TLL1: variants seen among roughly 807,000 people sequenced by gnomAD.
TLL1 encodes tolloid-like protein 1.
TLL1 carries 49 observed loss-of-function variants against 128.2 expected under a neutral mutation model. The observed-to-expected ratio is 0.38, with a 90% CI of 0.30 to 0.48. The LOEUF is 0.48. Ranked by LOEUF, TLL1 falls within the 20% of genes least tolerant of loss-of-function variation. The pLI, the probability that TLL1 is intolerant of heterozygous loss-of-function variation, is 0.96. For missense variants in TLL1, 1,123 were observed against 1,242.0 expected (o/e 0.90, Z 1.44); for synonymous variants, 454 against 418.8 (o/e 1.08, Z -1.03).
At chr4:165,922,421 T>C (rs1382184593) in intron 1 of TLL1, among the ~76,000 whole-genome samples, 3 of 152,194 alleles carry the variant, frequency 2.0e-5, no homozygotes, top group African/African-American at 7.2e-5. Flanking sequence ...TTGGGGTTGC[T>C]TCTTCTCTAT....
intron 1 of TLL1, among the ~76,000 whole-genome samples, chr4:165,896,379 G>T (rs1325775342): frequency 6.6e-6 from 1 of 151,928 alleles, no homozygotes; most frequent in East Asian, 1.9e-4. Flanking sequence ...TGTGAATAGT[G>T]CTGCAATAAA....
At chr4:166,049,414 G>C (rs943798980) in intron 12 of TLL1, among the ~76,000 whole-genome samples, 2 of 152,094 alleles carry the variant, frequency 1.3e-5, no homozygotes, top group Non-Finnish European at 2.9e-5. Context: ...CAGTCCATCA[G>C]AGGCATGTCT....
intron 1 of TLL1, among the ~76,000 whole-genome samples, chr4:165,956,663 A>C (rs1273692618): frequency 6.6e-6 from 1 of 151,940 alleles, no homozygotes; most frequent in African/African-American, 2.4e-5. Flanking sequence ...CACGTTTTAC[A>C]ATCAATTTGT....
chr4:165,964,000 T>G, intron 1 of TLL1, among the ~76,000 whole-genome samples: 1 of 152,198 alleles, frequency 6.6e-6, no homozygotes, highest in East Asian at 1.9e-4. Context: ...CCATCTGCCA[T>G]GCTGTATACT....
rs779061981 is a variant in TLL1, at chr4:166,074,484, T to C, written c.2189-394T>C. Among the ~76,000 whole-genome samples, 82 of 152,104 alleles carry C rather than the reference T, an allele frequency of 5.4e-4. 1 individual carries two copies. The highest frequency in any genetic ancestry group is 1.5e-4 in the Non-Finnish European group (10 of 67,988). ...ATTGAAGGATATCCCTCTACTTAAATGCTATTTCTTGCCGCTATTCAAACT... is the reference window on the plus strand; with the variant it reads ...ATTGAAGGATATCCCTCTACTTAAACGCTATTTCTTGCCGCTATTCAAACT... On this transcript the variant is annotated intron_variant, in intron 16 of 20. Coordinates refer to ENST00000061240, the MANE Select transcript of TLL1 (RefSeq NM_012464.5).
chr4:166,081,298 G>A (rs1157732093), intron 18 of TLL1, among the ~76,000 whole-genome samples: 1 of 152,120 alleles, frequency 6.6e-6, no homozygotes, highest in African/African-American at 2.4e-5. Flanking sequence ...GGGTGGCAGG[G>A]TTTTCTGCTT....
intron 9 of TLL1, among the ~76,000 whole-genome samples, 167 bp downstream of exon 9, chr4:166,025,598 T>C (rs2111069770): frequency 6.6e-6 from 1 of 152,316 alleles, no homozygotes; most frequent in South Asian, 2.1e-4. Context: ...GGAATTTTTT[T>C]GAAAGATATA....
Position 165,874,766 on chromosome 4 carries a change from C to G in TLL1, c.169+693C>G, listed in dbSNP as rs1216981992. ...CCAGGGAAATGCAGTCGGACCGGCA[C>G]TGCCTGAAGCTCAGCTTCTTGCCTC... On this transcript the variant is annotated intron_variant, in intron 1 of 20. Coordinates refer to ENST00000061240, the MANE Select transcript of TLL1 (RefSeq NM_012464.5). 2.0e-5 allele frequency among the ~76,000 whole-genome samples: 3 copies of G among 152,386 alleles called. No individual in the cohort carries two copies. In the East Asian group the frequency reaches 5.8e-4, roughly 29 times the overall value.
At chr4:166,060,926 G>A (rs6536940) in intron 15 of TLL1, among the ~76,000 whole-genome samples, 65,574 of 152,004 alleles carry the variant, frequency 0.43, 15,329 homozygotes, top group African/African-American at 0.62. Flanking sequence ...GTTTTGTTTC[G>A]TCTTCTGTAC....
chr4:166,067,810 T>C (rs1740636370), intron 16 of TLL1, among the ~76,000 whole-genome samples: 1 of 151,732 alleles, frequency 6.6e-6, no homozygotes, highest in South Asian at 2.1e-4. Flanking sequence ...TTTCATTTCA[T>C]ATTGTTATAT....
intron 7 of TLL1, among the ~76,000 whole-genome samples, chr4:166,013,912 TTTTTAA>T (rs535894191): frequency 2.1e-3 from 326 of 152,022 alleles, no homozygotes; most frequent in Non-Finnish European, 3.5e-3. Flanking sequence ...TTTTATCTTT[TTTTTAA>T]CATATGCTGT....
intron 7 of TLL1, among the ~76,000 whole-genome samples, chr4:166,012,279 G>A (rs374923884): frequency 1.3e-5 from 2 of 151,590 alleles, no homozygotes; most frequent in South Asian, 2.1e-4. Flanking sequence ...ATTTTGCATT[G>A]CTTACTTGTC....
At position 166,038,960 on chromosome 4, in the gene TLL1, A is replaced by G. The variant is rs146243848; in HGVS notation, c.1159-379A>G. Among the ~76,000 whole-genome samples the G allele has an allele frequency of 5.8e-3, 878 of 152,290 alleles. 22 individuals are homozygous for G. The highest frequency in any genetic ancestry group is 5.6e-4 in the Non-Finnish European group (38 of 68,006). On this transcript the variant is annotated intron_variant, in intron 9 of 20. Coordinates refer to ENST00000061240, the MANE Select transcript of TLL1 (RefSeq NM_012464.5). The stretch of plus-strand genomic sequence containing the variant: ...TATTTTTTAAAAGACTTTCATGAAA[A>G]AAATAGAATTCTTCATGGCTCAAGC...
intron 7 of TLL1, among the ~76,000 whole-genome samples, chr4:166,013,557 T>A (rs1385375934): frequency 6.6e-6 from 1 of 151,836 alleles, no homozygotes; most frequent in East Asian, 1.9e-4. Context: ...TGTTGTTGTT[T>A]GTTTTTGGTA....
At chr4:166,084,216 C>T (rs899571403) in intron 18 of TLL1, among the ~76,000 whole-genome samples, 4 of 152,020 alleles carry the variant, frequency 2.6e-5, no homozygotes, top group African/African-American at 9.7e-5. Flanking sequence ...AAGTCCTTTG[C>T]CCATAAATAA....
chr4:166,017,221 C>G (rs368159325), intron 8 of TLL1, among the ~76,000 whole-genome samples: 1 of 152,122 alleles, frequency 6.6e-6, no homozygotes, highest in African/African-American at 2.4e-5. Context: ...TAATTCACTT[C>G]GGATTATGGC....
At chr4:165,879,715 G>A (rs1397947373) in intron 1 of TLL1, among the ~76,000 whole-genome samples, 1 of 151,762 alleles carries the variant, frequency 6.6e-6, no homozygotes, top group Non-Finnish European at 1.5e-5. Flanking sequence ...ATCCTGCTGA[G>A]ACCATCTGGT....
chr4:166,027,959 A>T (rs1324533378), intron 9 of TLL1, among the ~76,000 whole-genome samples: 1 of 152,032 alleles, frequency 6.6e-6, no homozygotes, highest in South Asian at 2.1e-4. Flanking sequence ...ATCATCTATT[A>T]TTTTTCTTAA....
chr4:166,060,192 A>G lies in TLL1; in HGVS notation c.2007+4A>G. On this transcript the variant is annotated splice_donor_region_variant and intron_variant, in intron 15 of 20. Transcript: ENST00000061240. Reference sequence around the variant, plus strand: ...TTTTGAATTGGAAGGCAATGAAGTAAGTGAACAATAACTGTAATTTTTTAA... The same window carrying G: ...TTTTGAATTGGAAGGCAATGAAGTAGGTGAACAATAACTGTAATTTTTTAA... The G allele has an allele frequency of 3.7e-6, 6 of 1,613,582 alleles. No homozygotes were observed. The highest frequency in any genetic ancestry group is 1.7e-5 in the Admixed American group (1 of 59,954).
Sources: allele counts gnomAD v4.1 joint callset (sites outside exome capture counted in the v4.1 genomes callset), GRCh38; gene constraint gnomAD v4.1.1; transcripts MANE v1.5; gene names NCBI Gene and HGNC (gene_info 2026-07-23, HGNC 2026-07-21).